The following ORC2 variants were observed in gnomAD, a reference collection of about 807,000 sequenced individuals.
ORC2 encodes origin recognition complex subunit 2, also known as origin recognition complex protein 2 homolog.
In ORC2, 37 loss-of-function variants were observed where a neutral mutation model predicts 77.7. The observed-to-expected ratio is 0.48, with a 90% CI of 0.37 to 0.63. The LOEUF is 0.63. ORC2 is among the 20% of genes least tolerant of loss of function. ORC2 has a pLI of 0.00. For synonymous variants in ORC2, 201 were observed against 229.5 expected (o/e 0.88, Z 1.12); for missense variants, 557 against 661.9 (o/e 0.84, Z 1.74).
chr2:200,955,105 G>A (rs1215458963), intron 4 of ORC2, among the ~76,000 whole-genome samples: 5 of 152,006 alleles, frequency 3.3e-5, no homozygotes, highest in Non-Finnish European at 7.4e-5. Context: ...TGCTGTGAGT[G>A]CTGTTATGTG....
intron 1 of ORC2, among the ~76,000 whole-genome samples, chr2:200,961,742 A>G (rs2041578387): frequency 6.6e-6 from 1 of 152,228 alleles, no homozygotes; most frequent in Non-Finnish European, 1.5e-5. Context: ...AACAAATTAT[A>G]ATTTATAAAT....
chr2:200,915,932 T>C (rs1406829381), intron 15 of ORC2, among the ~76,000 whole-genome samples: 2 of 152,092 alleles, frequency 1.3e-5, no homozygotes, highest in Admixed American at 1.3e-4. Flanking sequence ...TGGCGTCAAG[T>C]GATCCGCCCA....
chr2:200,917,957 C>T (rs1215343538), intron 15 of ORC2, among the ~76,000 whole-genome samples: 1 of 150,400 alleles, frequency 6.6e-6, no homozygotes, highest in Admixed American at 6.6e-5. Context: ...CTATCTATTC[C>T]CCTTTATTCT....
intron 13 of ORC2, among the ~76,000 whole-genome samples, chr2:200,925,069 T>A (rs939363558): frequency 6.6e-6 from 1 of 151,690 alleles, no homozygotes; most frequent in African/African-American, 2.4e-5. Flanking sequence ...CAAGAAATAA[T>A]GTTTTATAAA....
chr2:200,941,083 C>A (rs1218434215), intron 7 of ORC2, among the ~76,000 whole-genome samples, 165 bp downstream of exon 7: 1 of 152,156 alleles, frequency 6.6e-6, no homozygotes, highest in Non-Finnish European at 1.5e-5. Flanking sequence ...CCTCTCTGAA[C>A]CTCAAATTCT....
chr2:200,926,843 C>A lies in ORC2; in HGVS notation c.975G>T (p.Arg325Ser). The A allele has an allele frequency of 3.7e-6, 6 of 1,613,778 alleles. No individual in the cohort carries two copies. The highest frequency in any genetic ancestry group is 1.3e-5 in the African/African-American group (1 of 75,028). ...AATCTTGCAGCATAGTGGTTCGAAA[C>A]CTTTCTAGTAAATCTCTCTTAGAAC... The part of the protein sequence containing the change: ...GLGSKRDLLE[R>S]FRTTMLQDSI... The change falls in exon 12 of 18, where the codon AGG becomes AGT. Residue 325 changes from arginine to serine, a missense_variant. Arg to Ser is a moderately radical substitution (Grantham distance 110). Coordinates refer to ENST00000234296, the MANE Select transcript of ORC2 (RefSeq NM_006190.5).
At chr2:200,913,904 C>T in intron 16 of ORC2, 27 bp downstream of exon 16, 2 of 1,562,712 alleles carry the variant, frequency 1.3e-6, no homozygotes, top group Non-Finnish European at 1.7e-6. Flanking sequence ...AAAAATTACA[C>T]AATTGAATGT....
Position 200,949,645 on chromosome 2 carries a change from T to C in ORC2, c.239-2A>G, listed in dbSNP as rs1207873879. 3.2e-6 allele frequency: 5 copies of C among 1,560,002 alleles called. No individual in the cohort carries two copies. In the African/African-American group the frequency reaches 5.5e-5, roughly 17 times the overall value. On this transcript the variant is annotated splice_acceptor_variant, in intron 4 of 17. Transcript: ENST00000234296. LOFTEE classifies it high-confidence loss of function. Reference sequence around the variant, plus strand: ...TAGCAGAGCCATTTTTCAATGATTCTGAAAGAAAAAAATGCAATATACATT... The same window carrying C: ...TAGCAGAGCCATTTTTCAATGATTCCGAAAGAAAAAAATGCAATATACATT...
chr2:200,913,137 C>T (rs1042331444), intron 17 of ORC2, among the ~76,000 whole-genome samples, 158 bp downstream of exon 17: 5 of 152,224 alleles, frequency 3.3e-5, no homozygotes, highest in African/African-American at 1.2e-4. Context: ...TACCATGGCT[C>T]TTTCTACAAA....
intron 4 of ORC2, among the ~76,000 whole-genome samples, chr2:200,951,036 TTATAAAA>T (rs2041345487): frequency 6.6e-6 from 1 of 152,240 alleles, no homozygotes; most frequent in Non-Finnish European, 1.5e-5. Flanking sequence ...TGCTGGTTTC[TTATAAAA>T]TAGACTTTAC....
intron 7 of ORC2, among the ~76,000 whole-genome samples, chr2:200,939,044 G>GA (rs199696935): frequency 1.7e-3 from 216 of 128,230 alleles, no homozygotes; most frequent in East Asian, 1.5e-3. Context: ...TCCTCAGGGG[G>GA]AAAAAAAAAA....
chr2:200,946,895 T>G (rs1575177647), intron 5 of ORC2, among the ~76,000 whole-genome samples: 1 of 152,166 alleles, frequency 6.6e-6, no homozygotes, highest in Admixed American at 6.5e-5. Flanking sequence ...TTTTTATAGA[T>G]TTAAAAACTT....
At chr2:200,957,122 T>C (rs2041480092) in intron 4 of ORC2, among the ~76,000 whole-genome samples, 3 of 152,196 alleles carry the variant, frequency 2.0e-5, no homozygotes, top group South Asian at 4.1e-4. Context: ...TGTATACCTA[T>C]GTAACAAGCC....
At chr2:200,950,214 C>A (rs1208410217) in intron 4 of ORC2, among the ~76,000 whole-genome samples, 1 of 152,056 alleles carries the variant, frequency 6.6e-6, no homozygotes, top group Non-Finnish European at 1.5e-5. Flanking sequence ...GCCTGTAGTT[C>A]CAGCTACTCA....
At chr2:200,947,732 ATTTT>A (rs1300554395) in intron 5 of ORC2, among the ~76,000 whole-genome samples, 4 of 151,700 alleles carry the variant, frequency 2.6e-5, no homozygotes, top group Non-Finnish European at 4.4e-5. Flanking sequence ...GTGCCATCTG[ATTTT>A]TTTGTTTTTG....
At chr2:200,928,121 C>T (rs761485484) in intron 11 of ORC2, among the ~76,000 whole-genome samples, 1 of 151,704 alleles carries the variant, frequency 6.6e-6, no homozygotes, top group Non-Finnish European at 1.5e-5. Context: ...TTTGGGAGGT[C>T]GAGGCAGGTG....
chr2:200,942,780 G>A lies in ORC2; in HGVS notation c.329-3C>T, dbSNP rs543451716. 6.3e-6 allele frequency: 10 copies of A among 1,585,058 alleles called. No individual in the cohort carries two copies. In the South Asian group the frequency reaches 1.1e-4, roughly 18 times the overall value. On this transcript the variant is annotated splice_polypyrimidine_tract_variant and splice_region_variant and intron_variant, in intron 5 of 17. Coordinates refer to ENST00000234296, the MANE Select transcript of ORC2 (RefSeq NM_006190.5). ...TGGTGTTTTTGCTAGTTCTGAAGCT[G>A]TAAACAAAGAAATATATAAAAACCT...
intron 6 of ORC2, among the ~76,000 whole-genome samples, chr2:200,941,876 A>G (rs1328300838): frequency 1.3e-5 from 2 of 152,128 alleles, no homozygotes; most frequent in African/African-American, 4.8e-5. Context: ...AATCCCAGTT[A>G]TTCAGGAGTC....
chr2:200,957,654 A>G (rs750241197), intron 3 of ORC2, 110 bp from the exon 4 acceptor site: 33 of 826,806 alleles, frequency 4.0e-5, no homozygotes, highest in Non-Finnish European at 5.4e-5. Flanking sequence ...AAAGCTGGGA[A>G]AAAAGCTTTC....
Sources: allele counts gnomAD v4.1 joint callset (sites outside exome capture counted in the v4.1 genomes callset), GRCh38; gene constraint gnomAD v4.1.1; transcripts MANE v1.5; gene names NCBI Gene and HGNC (gene_info 2026-07-23, HGNC 2026-07-21).